Variants in GDA observed in about 807,000 individuals in gnomAD.
GDA encodes the protein cytoplasmic PSD-95 interactor.
GDA carries 18 observed loss-of-function variants against 59.6 expected under a neutral mutation model. The observed-to-expected ratio is 0.30, with a 90% CI of 0.21 to 0.45. The LOEUF (loss-of-function observed/expected upper bound fraction) is 0.45. Among genes scored for constraint, GDA ranks in the 20% least tolerant of loss-of-function variants. The pLI, the probability that GDA is intolerant of heterozygous loss-of-function variation, is 1.00. For missense variants in GDA, 427 were observed against 552.3 expected (o/e 0.77, Z 2.27); for synonymous variants, 201 against 201.1 (o/e 1.00, Z 0.00).
intron 1 of GDA, 81 bp downstream of exon 1, chr9:72,149,763 CG>C: frequency 7.0e-7 from 1 of 1,418,470 alleles, no homozygotes; most frequent in Non-Finnish European, 9.4e-7. Context: ...TCGCGTAGCC[CG>C]GGGTTCGCTC....
chr9:72,160,597 G>C (rs1317440125), intron 1 of GDA, among the ~76,000 whole-genome samples: 2 of 152,176 alleles, frequency 1.3e-5, no homozygotes, highest in African/African-American at 2.4e-5. Context: ...AGTCCATTGT[G>C]TAGATATACC....
chr9:72,140,352 G>A (rs905624883), intron 1 of GDA, among the ~76,000 whole-genome samples: 4 of 152,212 alleles, frequency 2.6e-5, no homozygotes, highest in Admixed American at 2.6e-4. Context: ...AATGGAGTCT[G>A]TGTGGAAGAG....
chr9:72,248,333 C>G lies in GDA; in HGVS notation c.1356C>G (p.Ser452Arg). 1 of 1,613,646 alleles carries G rather than the reference C, an allele frequency of 6.2e-7. No individual in the cohort carries two copies. The highest frequency in any genetic ancestry group is 8.5e-7 in the Non-Finnish European group (1 of 1,179,572). The change falls in exon 14 of 14, where the codon AGC becomes AGG. Residue 452 changes from serine to arginine, a missense_variant. Ser to Arg is a moderately radical substitution (Grantham distance 110, BLOSUM62 -1). Transcript: ENST00000358399. ...GAAAGCAGGTGGTTCCGTTTTCCAG[C>G]TCAGTGTAAGACCCTCGGGCGTCTA... Reference protein sequence around the residue: ...VGGKQVVPFSSSV With the variant: ...VGGKQVVPFSRSV
At chr9:72,116,616 A>G (rs1273973475) in intron 1 of GDA, among the ~76,000 whole-genome samples, 1 of 151,814 alleles carries the variant, frequency 6.6e-6, no homozygotes, top group Non-Finnish European at 1.5e-5. Context: ...CCATCTCTTG[A>G]CCTCGTGATC....
chr9:72,239,193 A>C (rs1839345018), intron 10 of GDA, among the ~76,000 whole-genome samples: 1 of 152,204 alleles, frequency 6.6e-6, no homozygotes, highest in South Asian at 2.1e-4. Context: ...ACTAAATACC[A>C]TGAAATTATG....
chr9:72,119,541 A>T (rs1426836532), intron 1 of GDA, among the ~76,000 whole-genome samples: 1 of 152,226 alleles, frequency 6.6e-6, no homozygotes, highest in Non-Finnish European at 1.5e-5. Context: ...ATACATGGAT[A>T]TGTGTAAATG....
downstream of GDA, among the ~76,000 whole-genome samples, chr9:72,259,396 G>A (rs1291873655): frequency 6.6e-6 from 1 of 152,222 alleles, no homozygotes; most frequent in Non-Finnish European, 1.5e-5. Flanking sequence ...CCAACCCACT[G>A]ATGGCCTGTC....
intron 9 of GDA, among the ~76,000 whole-genome samples, chr9:72,230,451 A>G (rs1240312224): frequency 2.6e-5 from 4 of 151,302 alleles, no homozygotes; most frequent in African/African-American, 9.7e-5. Flanking sequence ...AGATTGTGCC[A>G]TTGTACTCCA....
intron 6 of GDA, among the ~76,000 whole-genome samples, chr9:72,221,827 G>A (rs1424952577): frequency 6.6e-6 from 1 of 152,162 alleles, no homozygotes; most frequent in African/African-American, 2.4e-5. Context: ...TTCCCTTCCT[G>A]CGTTAGTTTG....
Position 72,162,806 on chromosome 9 carries a change from C to T in GDA, c.123+13124C>T, listed in dbSNP as rs928350973. On this transcript the variant is annotated intron_variant, in intron 1 of 13. Transcript: ENST00000358399. ...CCCAGTAGCTGGGACTACAGGCGCC[C>T]GCCACCACAACCAGCTAATTTTTTG... Among the ~76,000 whole-genome samples, 87 of 152,108 alleles carry T rather than the reference C, an allele frequency of 5.7e-4. 1 individual carries two copies. The highest frequency in any genetic ancestry group is 2.4e-3 in the Admixed American group (37 of 15,268).
intron 1 of GDA, among the ~76,000 whole-genome samples, chr9:72,150,398 G>A (rs1827061726): frequency 6.6e-6 from 1 of 151,872 alleles, no homozygotes; most frequent in Non-Finnish European, 1.5e-5. Context: ...CCATTTTAAG[G>A]TTCAAAATGT....
intron 1 of GDA, among the ~76,000 whole-genome samples, chr9:72,137,629 A>G (rs1826287086): frequency 6.6e-6 from 1 of 152,062 alleles, no homozygotes; most frequent in African/African-American, 2.4e-5. Flanking sequence ...TTAAGATCCT[A>G]TAACTGAGGA....
In GDA at chr9:72,248,379, C is replaced by T. The variant is rs1840367932; in HGVS notation, c.*37C>T. 3.7e-6 allele frequency: 6 copies of T among 1,612,570 alleles called. No individual in the cohort carries two copies. Among genetic ancestry groups the T allele is most frequent in the South Asian group, 1.1e-5 (1 of 90,878 alleles). On this transcript the variant is annotated 3_prime_UTR_variant, in exon 14 of 14. Coordinates refer to ENST00000358399, the MANE Select transcript of GDA (RefSeq NM_004293.5). ...GTCTACAAAGTTCTCCTGGGATTAG[C>T]GTGGTTCTGCATCTCCCTTGTGCCC...
intron 4 of GDA, among the ~76,000 whole-genome samples, chr9:72,211,951 A>G (rs906616979): frequency 2.0e-5 from 3 of 152,222 alleles, no homozygotes; most frequent in Non-Finnish European, 4.4e-5. Context: ...AGATTAATCT[A>G]ATGGCCAGTT....
rs554078385 is a variant in GDA at position 72,125,858 on chromosome 9, A to G, written c.-100+11025A>G. On this transcript the variant is annotated intron_variant, in intron 1 of 13. Coordinates refer to the GDA transcript ENST00000545168. The stretch of plus-strand genomic sequence containing the variant: ...AGGAAAATATATTATATAATATTAC[A>G]TAGTAGATATGGCTTTTCTATGATT... 1.3e-3 allele frequency among the ~76,000 whole-genome samples: 204 copies of G among 152,270 alleles called. 1 individual carries two copies. The highest frequency in any genetic ancestry group is 4.6e-3 in the African/African-American group (192 of 41,550).
chr9:72,122,721 C>A (rs568233951), intron 1 of GDA, among the ~76,000 whole-genome samples: 1 of 152,124 alleles, frequency 6.6e-6, no homozygotes, highest in South Asian at 2.1e-4. Flanking sequence ...TCCTTTCCAT[C>A]CAACTTTACA....
intron 2 of GDA, chr9:72,197,585 T>C (rs1376508630): frequency 6.6e-6 from 1 of 152,136 alleles, no homozygotes; most frequent in East Asian, 1.9e-4. Flanking sequence ...CTTTTCTTCC[T>C]CTTTATGAGG....
chr9:72,249,847 A>T lies in GDA; in HGVS notation c.*1505A>T. On this transcript the variant is annotated 3_prime_UTR_variant, in exon 14 of 14. Coordinates refer to ENST00000358399, the MANE Select transcript of GDA (RefSeq NM_004293.5). ...CCGTATTTACAGAACAAAAAAACAC[A>T]GTTCCCCCTCCTGTAGTATAAATTT... The T allele has an allele frequency of 1.0e-6, 1 of 964,444 alleles. No individual in the cohort carries two copies. The highest frequency in any genetic ancestry group is 1.2e-6 in the Non-Finnish European group (1 of 810,920). The allele number at this position is 964,444 out of a possible 1,614,324, so 59.7% of individuals were successfully genotyped here.
At chr9:72,114,831 G>C (rs1288296379) in exon 1 of GDA, 1 of 152,350 alleles carries the variant, frequency 6.6e-6, no homozygotes, top group African/African-American at 2.4e-5. Context: ...GGTTCCACCA[G>C]AGGTGAGGAC....
Sources: allele counts gnomAD v4.1 joint callset (sites outside exome capture counted in the v4.1 genomes callset), GRCh38; gene constraint gnomAD v4.1.1; transcripts MANE v1.5; gene names NCBI Gene and HGNC (gene_info 2026-07-23, HGNC 2026-07-21).